Variants in POU2AF1 observed in about 807,000 individuals in gnomAD.
The protein encoded by POU2AF1 is POU class 2 homeobox associating factor 1.
In POU2AF1, 12 loss-of-function variants were observed where a neutral mutation model predicts 26.3. The observed-to-expected ratio is 0.46, with a 90% CI of 0.29 to 0.74. POU2AF1 has a LOEUF of 0.74. POU2AF1 is among the 30% of genes least tolerant of loss of function. The pLI, the probability that POU2AF1 is intolerant of heterozygous loss-of-function variation, is 0.09. For missense variants in POU2AF1, 297 were observed against 334.5 expected (o/e 0.89, Z 0.87); for synonymous variants, 175 against 148.0 (o/e 1.18, Z -1.32).
At chr11:111,375,896 C>T (rs1861302094) in intron 1 of POU2AF1, among the ~76,000 whole-genome samples, 1 of 151,916 alleles carries the variant, frequency 6.6e-6, no homozygotes, top group Admixed American at 6.6e-5. Flanking sequence ...GAGCTGTGTT[C>T]CAATAAAACT....
chr11:111,365,138 A>G (rs563091568), intron 1 of POU2AF1, among the ~76,000 whole-genome samples: 1 of 152,316 alleles, frequency 6.6e-6, no homozygotes, highest in East Asian at 1.9e-4. Context: ...CCCAAGTTCC[A>G]AGGCTCATGG....
chr11:111,378,825 C>G, intron 1 of POU2AF1, among the ~76,000 whole-genome samples: 1 of 152,342 alleles, frequency 6.6e-6, no homozygotes, highest in South Asian at 2.1e-4. Flanking sequence ...CCAAACCCAT[C>G]CCACATCTGG....
At chr11:111,362,232 C>T (rs11603490) in intron 1 of POU2AF1, among the ~76,000 whole-genome samples, 13,511 of 152,230 alleles carry the variant, frequency 0.089, 821 homozygotes, top group Non-Finnish European at 0.13. Flanking sequence ...TATTTGGATA[C>T]GGGCATGCAA....
chr11:111,368,507 T>C (rs1042792256), intron 1 of POU2AF1, among the ~76,000 whole-genome samples: 2 of 152,128 alleles, frequency 1.3e-5, no homozygotes, highest in Non-Finnish European at 2.9e-5. Context: ...AGAGCTTCCA[T>C]ACTGAGTCTC....
At chr11:111,364,797 A>G (rs537785593) in intron 1 of POU2AF1, among the ~76,000 whole-genome samples, 1 of 152,312 alleles carries the variant, frequency 6.6e-6, no homozygotes, top group South Asian at 2.1e-4. Flanking sequence ...TGAACCTCAA[A>G]TCAGCAAGGC....
At chr11:111,355,166 A>T (rs1391994558) in intron 4 of POU2AF1, among the ~76,000 whole-genome samples, 2 of 152,050 alleles carry the variant, frequency 1.3e-5, no homozygotes, top group African/African-American at 2.4e-5. Context: ...CAGATGGGGG[A>T]AGCACTGCTT....
chr11:111,361,513 C>T (rs902948671), intron 1 of POU2AF1, among the ~76,000 whole-genome samples: 1 of 152,208 alleles, frequency 6.6e-6, no homozygotes, highest in Non-Finnish European at 1.5e-5. Flanking sequence ...GAGGATTAAC[C>T]AAAATAATAC....
chr11:111,372,188 A>G lies in POU2AF1; in HGVS notation c.16+6974T>C, dbSNP rs139846376. On this transcript the variant is annotated intron_variant, in intron 1 of 4. Coordinates refer to ENST00000393067, the MANE Select transcript of POU2AF1 (RefSeq NM_006235.3). ...TGGCTCCCAGCAAAGGCTGCCTGCT[A>G]CATCGGGCTCTCTACTAAAACTGCC... Among the ~76,000 whole-genome samples the G allele has an allele frequency of 1.8e-4, 28 of 152,260 alleles. 1 individual carries two copies. In the East Asian group the frequency reaches 5.4e-3, roughly 29 times the overall value.
intron 4 of POU2AF1, among the ~76,000 whole-genome samples, chr11:111,356,090 A>G (rs1663305371): frequency 6.6e-6 from 1 of 152,248 alleles, no homozygotes; most frequent in African/African-American, 2.4e-5. Context: ...CAAAATGGCA[A>G]AACAAATAAA....
At chr11:111,364,110 A>C (rs1427814180) in intron 1 of POU2AF1, 1 of 560,448 alleles carries the variant, frequency 1.8e-6, no homozygotes, top group Non-Finnish European at 2.3e-6. Flanking sequence ...ATCTGTAGGT[A>C]CAAAAAGTCA....
chr11:111,378,589 G>A lies in POU2AF1; in HGVS notation c.16+573C>T, dbSNP rs1861356068. On this transcript the variant is annotated intron_variant, in intron 1 of 4. Transcript: ENST00000393067. The stretch of plus-strand genomic sequence containing the variant: ...ATGGACAAGCCTTGTCACAGAAGGG[G>A]AAAAAGAATGACGAAAGGCAAGACA... 2.6e-5 allele frequency among the ~76,000 whole-genome samples: 4 copies of A among 152,118 alleles called. No individual in the cohort carries two copies. The South Asian group carries it at 8.3e-4, about 32-fold the overall frequency.
chr11:111,354,111 G>C lies in POU2AF1; in HGVS notation c.*150C>G. ...GAGGGAGGGAGGGGAAGGAAGAAGG[G>C]AAGGAAGGTTTACAGGTCTACAATT... is the stretch of plus-strand genomic sequence containing the variant. On this transcript the variant is annotated 3_prime_UTR_variant, in exon 5 of 5. Transcript: ENST00000393067. The C allele has an allele frequency of 1.3e-6, 1 of 784,186 alleles. No individual in the cohort carries two copies. Among genetic ancestry groups the C allele is most frequent in the Non-Finnish European group, 1.9e-6 (1 of 515,042 alleles). The allele number at this position is 784,186 out of a possible 1,614,324, so 48.6% of individuals were successfully genotyped here.
chr11:111,375,624 C>G (rs1846376185), intron 1 of POU2AF1, among the ~76,000 whole-genome samples: 1 of 152,188 alleles, frequency 6.6e-6, no homozygotes, highest in East Asian at 1.9e-4. Context: ...TGGTCTCGAT[C>G]TCCTGACCTC....
intron 2 of POU2AF1, among the ~76,000 whole-genome samples, chr11:111,358,403 TAC>T (rs1491441903): frequency 4.5e-5 from 1 of 22,098 alleles, no homozygotes; most frequent in East Asian, 1.0e-3. Context: ...CTCACACACA[TAC>T]TCTCTCACAC....
intron 2 of POU2AF1, among the ~76,000 whole-genome samples, chr11:111,358,446 A>ACACTCACACACACACT (rs753932393): frequency 9.9e-6 from 1 of 101,022 alleles, no homozygotes; most frequent in African/African-American, 3.6e-5. Flanking sequence ...TCACTCTCAC[A>ACACTCACACACACACT]CACACACACT....
chr11:111,371,507 G>A (rs1194406311), intron 1 of POU2AF1, among the ~76,000 whole-genome samples: 3 of 152,118 alleles, frequency 2.0e-5, no homozygotes, highest in Admixed American at 1.3e-4. Flanking sequence ...ATTGTGACGC[G>A]AGTTCCAAGT....
chr11:111,355,225 A>C (rs1040898261), intron 4 of POU2AF1, among the ~76,000 whole-genome samples: 2 of 152,152 alleles, frequency 1.3e-5, no homozygotes, highest in Non-Finnish European at 2.9e-5. Context: ...TGCCTTCCAC[A>C]TCCTCATCGT....
At chr11:111,364,887 A>G (rs936959088) in intron 1 of POU2AF1, among the ~76,000 whole-genome samples, 8 of 152,348 alleles carry the variant, frequency 5.3e-5, no homozygotes, top group South Asian at 2.1e-4. Context: ...GGAATTGCCC[A>G]TCTGATCTAG....
intron 4 of POU2AF1, among the ~76,000 whole-genome samples, chr11:111,356,810 G>A (rs762003392): frequency 3.3e-5 from 5 of 152,234 alleles, no homozygotes; most frequent in Non-Finnish European, 5.9e-5. Flanking sequence ...TCCTGACAAC[G>A]ACCCTTTTCT....
Sources: allele counts gnomAD v4.1 joint callset (sites outside exome capture counted in the v4.1 genomes callset), GRCh38; gene constraint gnomAD v4.1.1; transcripts MANE v1.5; gene names NCBI Gene and HGNC (gene_info 2026-07-23, HGNC 2026-07-21).